VRK1: variants seen among roughly 807,000 people sequenced by gnomAD.
VRK1 encodes the protein serine/threonine-protein kinase VRK1.
VRK1 carries 33 observed loss-of-function variants against 57.1 expected under a neutral mutation model. The ratio of observed to expected loss-of-function variants is 0.58; its 90% CI spans 0.44 to 0.77. The LOEUF is 0.77. VRK1 is among the 30% of genes least tolerant of loss of function. The probability of loss-of-function intolerance (pLI) is 0.00; values close to 1 mark genes in which losing one functional copy is unlikely to be tolerated. For missense variants in VRK1, 413 were observed against 477.3 expected (o/e 0.87, Z 1.25); for synonymous variants, 137 against 147.8 (o/e 0.93, Z 0.53).
rs372731557 is a variant in VRK1 at position 96,810,233 on chromosome 14, G to A, written c.-6+12786G>A. ...GGTATCTGGATATGAATCCTTTGTC[G>A]AATATGTGAATTATAAAAATCTTCC... On this transcript the variant is annotated intron_variant, in intron 1 of 12. Coordinates refer to ENST00000216639, the MANE Select transcript of VRK1 (RefSeq NM_003384.3). Among the ~76,000 whole-genome samples, 38 of 152,096 alleles carry A rather than the reference G, an allele frequency of 2.5e-4. No individual in the cohort carries two copies. The East Asian group carries it at 5.2e-3, about 21-fold the overall frequency.
At chr14:96,825,905 T>G (rs764300) in intron 1 of VRK1, among the ~76,000 whole-genome samples, 52,145 of 152,076 alleles carry the variant, frequency 0.34, 9,325 homozygotes, top group South Asian at 0.43. Context: ...TGGGGAAAAT[T>G]TATGAGTAGT....
At chr14:96,866,436 T>C (rs1888587958) in intron 11 of VRK1, among the ~76,000 whole-genome samples, 1 of 152,194 alleles carries the variant, frequency 6.6e-6, no homozygotes, top group Non-Finnish European at 1.5e-5. Context: ...AAGACTATAT[T>C]GGCGATCTCT....
intron 1 of VRK1, among the ~76,000 whole-genome samples, chr14:96,817,395 A>G (rs1419939596): frequency 1.3e-5 from 2 of 151,172 alleles, no homozygotes; most frequent in Middle Eastern, 3.4e-3. Context: ...GAGAATTTCT[A>G]TTTTTATTTT....
chr14:96,806,433 T>C (rs1353146264), intron 1 of VRK1, among the ~76,000 whole-genome samples: 1 of 152,248 alleles, frequency 6.6e-6, no homozygotes, highest in East Asian at 1.9e-4. Context: ...GTTCAGACAT[T>C]GTCCTGATAC....
intron 3 of VRK1, among the ~76,000 whole-genome samples, chr14:96,839,220 G>T (rs1595665029): frequency 6.6e-6 from 1 of 151,814 alleles, no homozygotes; most frequent in Middle Eastern, 3.4e-3. Context: ...CATATTGTTG[G>T]TGTATCAATC....
At chr14:96,808,658 C>CT (rs372103145) in intron 1 of VRK1, among the ~76,000 whole-genome samples, 244 of 121,820 alleles carry the variant, frequency 2.0e-3, no homozygotes, top group Middle Eastern at 4.5e-3. Flanking sequence ...GCCCTCTGGA[C>CT]TTTTTTTTTT....
At chr14:96,868,487 T>C (rs969087288) in intron 11 of VRK1, among the ~76,000 whole-genome samples, 2 of 152,182 alleles carry the variant, frequency 1.3e-5, no homozygotes, top group African/African-American at 2.4e-5. Context: ...CTTTTGTAAA[T>C]AGGCATAGCA....
At chr14:96,856,282 A>T in intron 9 of VRK1, 32 bp downstream of exon 9, 1 of 1,608,740 alleles carries the variant, frequency 6.2e-7, no homozygotes, top group Non-Finnish European at 8.5e-7. Context: ...TTCTAGCAAA[A>T]TCATGATAAG....
At chr14:96,851,549 A>G (rs1566707120) in intron 5 of VRK1, among the ~76,000 whole-genome samples, 1 of 152,222 alleles carries the variant, frequency 6.6e-6, no homozygotes, top group Non-Finnish European at 1.5e-5. Context: ...ATTTTCTTCC[A>G]GTTCAAAAAT....
intron 1 of VRK1, among the ~76,000 whole-genome samples, chr14:96,803,259 C>T (rs1885737018): frequency 6.6e-6 from 1 of 151,530 alleles, no homozygotes; most frequent in African/African-American, 2.4e-5. Context: ...GCAACCTCCG[C>T]CTCCCAGGGT....
intron 1 of VRK1, among the ~76,000 whole-genome samples, chr14:96,799,755 G>T (rs1242076626): frequency 6.6e-6 from 1 of 152,152 alleles, no homozygotes; most frequent in Non-Finnish European, 1.5e-5. Context: ...TAGGACTGGA[G>T]AATATTTTTC....
intron 1 of VRK1, among the ~76,000 whole-genome samples, chr14:96,829,852 C>T (rs1358605619): frequency 6.6e-6 from 1 of 152,098 alleles, no homozygotes; most frequent in African/African-American, 2.4e-5. Context: ...ATTTACTGCT[C>T]ACTGATATTG....
rs139196400 is a variant in VRK1 at position 96,864,909 on chromosome 14, C to T, written c.1068+4174C>T. 1.0e-3 allele frequency among the ~76,000 whole-genome samples: 147 copies of T among 143,434 alleles called. 1 individual carries two copies. The highest frequency in any genetic ancestry group is 3.5e-3 in the Middle Eastern group (1 of 284). 94.1% of individuals were successfully genotyped at this position (143,434 alleles called of 152,430 possible). A position where few individuals can be genotyped will look rare whatever the true frequency, so the allele number is the denominator to read the frequency against. ...TTTTTTGGTGAAGTACATTTCAAAT[C>T]GTTTGCCTATTTAAAAAAAAAAAAT... is the stretch of plus-strand genomic sequence containing the variant. On this transcript the variant is annotated intron_variant, in intron 11 of 12. Coordinates refer to ENST00000216639, the MANE Select transcript of VRK1 (RefSeq NM_003384.3).
At chr14:96,838,037 G>T (rs1221620857) in intron 3 of VRK1, among the ~76,000 whole-genome samples, 1 of 152,148 alleles carries the variant, frequency 6.6e-6, no homozygotes, top group South Asian at 2.1e-4. Context: ...GTATTCGGGG[G>T]TAAATGAAGG....
intron 1 of VRK1, among the ~76,000 whole-genome samples, chr14:96,806,712 GTCA>G (rs1885893299): frequency 6.6e-6 from 1 of 152,114 alleles, no homozygotes. Flanking sequence ...ATAAATGTTT[GTCA>G]TCATCATCAT....
At chr14:96,839,073 A>ACTTGTCTT (rs1032559949) in intron 3 of VRK1, among the ~76,000 whole-genome samples, 1 of 136,596 alleles carries the variant, frequency 7.3e-6, no homozygotes, top group African/African-American at 2.7e-5. Context: ...GGAGGCAACC[A>ACTTGTCTT]CTTGTCTTGA....
At chr14:96,844,034 C>G (rs948977179) in intron 3 of VRK1, among the ~76,000 whole-genome samples, 2 of 152,136 alleles carry the variant, frequency 1.3e-5, no homozygotes, top group Non-Finnish European at 2.9e-5. Flanking sequence ...ACTGATTTGT[C>G]TTAGGAAAAC....
intron 12 of VRK1, among the ~76,000 whole-genome samples, chr14:96,880,617 CAT>C (rs1410873131): frequency 6.6e-6 from 1 of 152,224 alleles, no homozygotes; most frequent in Non-Finnish European, 1.5e-5. Context: ...ACCAGTATCA[CAT>C]ATGATCCTTT....
At chr14:96,847,576 C>T (rs1887759344) in intron 5 of VRK1, among the ~76,000 whole-genome samples, 1 of 152,180 alleles carries the variant, frequency 6.6e-6, no homozygotes. Flanking sequence ...CAGGGAGCTT[C>T]TGCAGAGCAG....
Sources: gnomAD v4.1 joint callset for allele counts (sites outside exome capture counted in the v4.1 genomes callset) on GRCh38, gnomAD v4.1.1 for gene constraint, MANE v1.5 for transcripts, NCBI Gene and HGNC (gene_info 2026-07-23, HGNC 2026-07-21) for gene names.